ERC1: variants seen among roughly 807,000 people sequenced by gnomAD.
ERC1 encodes the protein ELKS/RAB6-interacting/CAST family member 1.
Under a neutral mutation model 132.0 loss-of-function variants are expected in ERC1, and 56 were observed. The ratio of observed to expected loss-of-function variants is 0.42; its 90% confidence interval spans 0.34 to 0.53. The LOEUF is 0.53. Among genes scored for constraint, ERC1 ranks in the 20% least tolerant of loss-of-function variants. The probability of loss-of-function intolerance (pLI) is 0.03; values close to 1 mark genes in which losing one functional copy is unlikely to be tolerated. For missense variants in ERC1, 1,202 were observed against 1,349.9 expected, an observed-to-expected ratio of 0.89 and a Z score of 1.72; for synonymous variants, 478 against 476.1, an observed-to-expected ratio of 1.00 and a Z score of -0.05.
At position 1,006,853 on chromosome 12, in the gene ERC1, A is replaced by G. The variant is rs183598122; in HGVS notation, c.-157+15531A>G. Among the ~76,000 whole-genome samples, 905 of 152,038 alleles carry G rather than the reference A, an allele frequency of 6.0e-3. 5 individuals are homozygous for G. The highest frequency in any genetic ancestry group is 0.014 in the Middle Eastern group (4 of 292). ...TGCTTTATAAATTTTTCATTTTTATAGTTGTTCAAGAGTACATATGTATTT... is the reference window on the plus strand; with the variant it reads ...TGCTTTATAAATTTTTCATTTTTATGGTTGTTCAAGAGTACATATGTATTT... On this transcript the variant is annotated intron_variant, in intron 1 of 18. Coordinates refer to ENST00000360905, the MANE Select transcript of ERC1 (RefSeq NM_178040.4).
At chr12:1,117,078 T>G (rs1354075206) in intron 7 of ERC1, among the ~76,000 whole-genome samples, 1 of 152,240 alleles carries the variant, frequency 6.6e-6, no homozygotes, top group Non-Finnish European at 1.5e-5. Flanking sequence ...TTTACTGTCT[T>G]AATATAAATA....
intron 15 of ERC1, among the ~76,000 whole-genome samples, chr12:1,331,605 T>G (rs1016459291): frequency 6.6e-5 from 10 of 152,154 alleles, no homozygotes; most frequent in Non-Finnish European, 1.0e-4. Context: ...CTTGATTCGT[T>G]ATGCCCTGAT....
chr12:1,190,285 TTGGC>T, intron 12 of ERC1: 1 of 636,874 alleles, frequency 1.6e-6, no homozygotes, highest in Non-Finnish European at 2.9e-6. Flanking sequence ...ACATAATTGA[TTGGC>T]AAAAAAGAGA....
intron 14 of ERC1, among the ~76,000 whole-genome samples, chr12:1,287,010 T>C (rs2079083122): frequency 6.6e-6 from 1 of 152,152 alleles, no homozygotes; most frequent in African/African-American, 2.4e-5. Flanking sequence ...CTGAGACTTA[T>C]TAGATATCAA....
chr12:1,167,329 T>C (rs1245957743), intron 8 of ERC1, among the ~76,000 whole-genome samples: 1 of 152,228 alleles, frequency 6.6e-6, no homozygotes, highest in Non-Finnish European at 1.5e-5. Context: ...TGCTTATAAC[T>C]TGACATAAAT....
At position 1,115,927 on chromosome 12, in the gene ERC1, AGC is replaced by A; in HGVS notation, c.1464_1465del (p.Lys488AsnfsTer11). 6.2e-7 allele frequency: 1 copy of A among 1,614,188 alleles called. No homozygotes were observed. The highest frequency in any genetic ancestry group is 8.5e-7 in the Non-Finnish European group (1 of 1,180,000). On this transcript the variant is annotated frameshift_variant, in exon 7 of 19. Transcript: ENST00000360905. LOFTEE classifies it high-confidence loss of function. ...ACAGAACTACTCGCCCTGCAGACAA[AGC>A]TAGAAACACTCACAAACCAGTTCTC... is the stretch of plus-strand genomic sequence containing the variant.
At chr12:1,469,985 C>G (rs1021701591) in intron 18 of ERC1, among the ~76,000 whole-genome samples, 3 of 151,810 alleles carry the variant, frequency 2.0e-5, no homozygotes, top group Non-Finnish European at 4.4e-5. Flanking sequence ...GACCCTAGAG[C>G]TCTGGCAGTC....
At chr12:1,187,476 T>G (rs1379606562) in intron 11 of ERC1, among the ~76,000 whole-genome samples, 1 of 151,882 alleles carries the variant, frequency 6.6e-6, no homozygotes, top group Non-Finnish European at 1.5e-5. Context: ...TGTGTTTCCC[T>G]GGCAGGTCTT....
At chr12:1,022,104 A>C (rs1312303461) in intron 1 of ERC1, among the ~76,000 whole-genome samples, 1 of 152,214 alleles carries the variant, frequency 6.6e-6, no homozygotes, top group Non-Finnish European at 1.5e-5. Context: ...TCTCCTATAG[A>C]TAGGATCTTG....
chr12:1,068,729 A>G (rs1939769984), intron 2 of ERC1, among the ~76,000 whole-genome samples: 2 of 152,202 alleles, frequency 1.3e-5, no homozygotes, highest in South Asian at 4.1e-4. Flanking sequence ...CCGATTGCTT[A>G]TCAATTTGGT....
intron 12 of ERC1, among the ~76,000 whole-genome samples, chr12:1,206,299 T>C (rs1486087143): frequency 6.6e-6 from 1 of 152,106 alleles, no homozygotes; most frequent in Non-Finnish European, 1.5e-5. Flanking sequence ...ACTGCTTTGA[T>C]ACTGGATTGT....
intron 15 of ERC1, among the ~76,000 whole-genome samples, chr12:1,356,213 A>AGTGTGTGT (rs71055145): frequency 1.2e-3 from 154 of 130,004 alleles, no homozygotes; most frequent in African/African-American, 2.5e-3. Context: ...AAAAAAAAAA[A>AGTGTGTGT]GTGTGTGTGT....
intron 6 of ERC1, among the ~76,000 whole-genome samples, chr12:1,114,127 G>C (rs539716053): frequency 1.3e-5 from 2 of 151,986 alleles, no homozygotes; most frequent in African/African-American, 4.8e-5. Context: ...TGGTTCAAGC[G>C]ATTCTCCTGC....
intron 4 of ERC1, 90 bp downstream of exon 4, chr12:1,104,914 T>C (rs1428233998): frequency 1.2e-5 from 9 of 765,464 alleles, no homozygotes; most frequent in Non-Finnish European, 1.6e-5. Flanking sequence ...GGAAATGGCA[T>C]GTAATAGTAT....
chr12:1,137,516 A>G (rs913989818), intron 7 of ERC1, among the ~76,000 whole-genome samples: 3 of 152,098 alleles, frequency 2.0e-5, no homozygotes, highest in Non-Finnish European at 4.4e-5. Flanking sequence ...TACAGTGCTA[A>G]ATGTTTTAAG....
chr12:1,019,846 A>G (rs1186490805), intron 1 of ERC1, among the ~76,000 whole-genome samples: 2 of 152,044 alleles, frequency 1.3e-5, no homozygotes, highest in Non-Finnish European at 2.9e-5. Flanking sequence ...GGTTCAAGCA[A>G]TCTTCCTGCC....
At chr12:1,196,314 A>G (rs558781459) in intron 12 of ERC1, among the ~76,000 whole-genome samples, 46 of 152,250 alleles carry the variant, frequency 3.0e-4, no homozygotes, top group South Asian at 1.7e-3. Flanking sequence ...AGAGGAATAC[A>G]TATAGCAGAT....
At chr12:1,131,708 G>A (rs371740544) in intron 7 of ERC1, among the ~76,000 whole-genome samples, 12 of 152,074 alleles carry the variant, frequency 7.9e-5, no homozygotes, top group East Asian at 7.7e-4. Flanking sequence ...CTTGTGATCC[G>A]CCCCCTTGGC....
intron 12 of ERC1, among the ~76,000 whole-genome samples, chr12:1,199,209 A>G (rs1472253720): frequency 6.9e-6 from 1 of 144,848 alleles, no homozygotes. Context: ...ACAATTCAAC[A>G]TGAGAGTTGG....
Sources: gnomAD v4.1 joint callset for allele counts (sites outside exome capture counted in the v4.1 genomes callset) on GRCh38, gnomAD v4.1.1 for gene constraint, MANE v1.5 for transcripts, NCBI Gene and HGNC (gene_info 2026-07-23, HGNC 2026-07-21) for gene names.